ZFP14: variants seen among roughly 807,000 people sequenced by gnomAD.
ZFP14 encodes the protein zinc finger protein 14 homolog.
Under a neutral mutation model 54.5 loss-of-function variants are expected in ZFP14, and 22 were observed. The observed-to-expected ratio is 0.40, with a 90% CI of 0.29 to 0.58. The LOEUF (loss-of-function observed/expected upper bound fraction) is 0.58. Ranked by LOEUF, ZFP14 falls within the 20% of genes least tolerant of loss-of-function variation. The pLI is 0.39. For synonymous variants in ZFP14, 159 were observed against 204.0 expected (o/e 0.78, Z 1.88); for missense variants, 470 against 637.8 (o/e 0.74, Z 2.83).
intron 1 of ZFP14, among the ~76,000 whole-genome samples, chr19:36,369,637 C>T (rs1361170907): frequency 1.3e-5 from 2 of 152,082 alleles, no homozygotes; most frequent in Non-Finnish European, 2.9e-5. Flanking sequence ...TCTCGAACTC[C>T]TGACCTCAAT....
intron 4 of ZFP14, among the ~76,000 whole-genome samples, chr19:36,358,934 A>G (rs1250237341): frequency 6.6e-6 from 1 of 152,138 alleles, no homozygotes. Flanking sequence ...TGACTTTATA[A>G]GAAGAAGAGA....
intron 1 of ZFP14, among the ~76,000 whole-genome samples, chr19:36,368,409 G>A (rs146755853): frequency 5.8e-4 from 89 of 152,204 alleles, no homozygotes; most frequent in African/African-American, 1.9e-3. Context: ...CGGAGGTTGC[G>A]GTGAGCTGAG....
rs1010245269 is a variant in ZFP14, at chr19:36,352,661, G to A, written c.235+7774C>T. On this transcript the variant is annotated intron_variant, in intron 4 of 4. Transcript: ENST00000270001. Reference sequence around the variant, plus strand: ...AAATGCTTAAAAATTAGCCATGTGGGCTGGGCGCGGTGGCTCACACCTGTA... The same window carrying A: ...AAATGCTTAAAAATTAGCCATGTGGACTGGGCGCGGTGGCTCACACCTGTA... 2.1e-5 allele frequency among the ~76,000 whole-genome samples: 3 copies of A among 142,642 alleles called. 1 individual carries two copies. Among genetic ancestry groups the A allele is most frequent in the Non-Finnish European group, 4.7e-5 (3 of 64,332 alleles). The allele number at this position is 142,642 out of a possible 152,430, so 93.6% of individuals were successfully genotyped here. A position where few individuals can be genotyped will look rare whatever the true frequency, so the allele number is the denominator to read the frequency against.
At position 36,367,253 on chromosome 19, in the gene ZFP14, TG is replaced by T. The variant is rs1195881569; in HGVS notation, c.9+630del. Among the ~76,000 whole-genome samples the T allele has an allele frequency of 5.3e-5, 8 of 152,160 alleles. 1 individual carries two copies. The East Asian group carries it at 5.8e-4, about 11-fold the overall frequency. ...TGTACTGAGAAAAATATACTTTTTC[TG>T]GAGTTTAAGTTTTAAAATGAAAAGC... On this transcript the variant is annotated intron_variant, in intron 2 of 4. Transcript: ENST00000270001.
At chr19:36,344,520 CATTA>C (rs2031379182) in intron 4 of ZFP14, among the ~76,000 whole-genome samples, 1 of 152,078 alleles carries the variant, frequency 6.6e-6, no homozygotes, top group African/African-American at 2.4e-5. Context: ...ATTATATAAT[CATTA>C]ATTAATAGGT....
chr19:36,365,005 T>C (rs890440628), intron 2 of ZFP14, among the ~76,000 whole-genome samples: 11 of 116,560 alleles, frequency 9.4e-5, no homozygotes, highest in South Asian at 3.2e-4. Context: ...TTTTTTTTTT[T>C]TTTTTTTTTT....
At chr19:36,363,396 C>T (rs1230487868) in intron 2 of ZFP14, among the ~76,000 whole-genome samples, 1 of 151,520 alleles carries the variant, frequency 6.6e-6, no homozygotes, top group African/African-American at 2.4e-5. Context: ...GGGGTTTCTC[C>T]GCGTTAATTA....
intron 4 of ZFP14, among the ~76,000 whole-genome samples, chr19:36,354,792 C>T (rs563008718): frequency 7.0e-6 from 1 of 142,900 alleles, no homozygotes; most frequent in Admixed American, 7.2e-5. Context: ...CTGCCTTAGC[C>T]TCCTGAGTAG....
rs1456594000 is a variant in ZFP14, at chr19:36,336,185, T to C, written c.*4039A>G. 6.6e-6 allele frequency: 1 copy of C among 151,732 alleles called. No homozygotes were observed. The highest frequency in any genetic ancestry group is 1.5e-5 in the Non-Finnish European group (1 of 67,968). The allele number at this position is 151,732 out of a possible 1,614,324, so 9.4% of individuals were successfully genotyped here. On this transcript the variant is annotated 3_prime_UTR_variant, in exon 5 of 5. Coordinates refer to ENST00000270001, the MANE Select transcript of ZFP14 (RefSeq NM_020917.3). ...TAATCACTATTAACATTGAATCAAGTCTAATATTCTCCATTCTCTTAATTT... is the reference window on the plus strand; with the variant it reads ...TAATCACTATTAACATTGAATCAAGCCTAATATTCTCCATTCTCTTAATTT...
chr19:36,375,765 G>A (rs1345022896), intron 1 of ZFP14, among the ~76,000 whole-genome samples: 1 of 151,966 alleles, frequency 6.6e-6, no homozygotes, highest in Non-Finnish European at 1.5e-5. Context: ...CACCGTGTTA[G>A]CCAGGATGGT....
Position 36,362,113 on chromosome 19 carries a change from T to C in ZFP14, c.135A>G (p.Leu45=). ...ATCATTTGGGATAAATAACCTTACC[T>C]AGTGAAATGAAGTTGCTGTAGTTCT... The part of the protein sequence containing the change: ...MWENYSNFIS[L]GPSISKPDVI... The change falls in exon 3 of 5, where the codon CTA becomes CTG. Residue 45 remains leucine, a splice_region_variant and synonymous_variant. Coordinates refer to ENST00000270001, the MANE Select transcript of ZFP14 (RefSeq NM_020917.3). The C allele has an allele frequency of 2.5e-6, 4 of 1,599,670 alleles. No individual in the cohort carries two copies. Among genetic ancestry groups the C allele is most frequent in the South Asian group, 1.1e-5 (1 of 88,384 alleles).
intron 4 of ZFP14, among the ~76,000 whole-genome samples, chr19:36,351,237 G>T (rs2031519401): frequency 1.4e-5 from 2 of 144,028 alleles, no homozygotes; most frequent in Admixed American, 7.1e-5. Flanking sequence ...AGTGGCTCAG[G>T]CCTGTAATCC....
chr19:36,367,675 G>C (rs1415631714), intron 2 of ZFP14, among the ~76,000 whole-genome samples: 5 of 152,148 alleles, frequency 3.3e-5, no homozygotes, highest in Non-Finnish European at 5.9e-5. Flanking sequence ...TGTTGGCCAG[G>C]CTGGTCTCGA....
chr19:36,371,220 G>A (rs1015593905), intron 1 of ZFP14, among the ~76,000 whole-genome samples: 6 of 152,002 alleles, frequency 3.9e-5, no homozygotes, highest in Non-Finnish European at 8.8e-5. Flanking sequence ...TCAAGGTCGC[G>A]CCACTGCACT....
In ZFP14 at chr19:36,370,673, A is replaced by C. The variant is rs537836435; in HGVS notation, c.-79-2702T>G. 5.3e-5 allele frequency among the ~76,000 whole-genome samples: 8 copies of C among 152,356 alleles called. No homozygotes were observed. The East Asian group carries it at 1.5e-3, about 29-fold the overall frequency. On this transcript the variant is annotated intron_variant, in intron 1 of 4. Transcript: ENST00000270001. Reference sequence around the variant, plus strand: ...GGCATGCTATGTGCAACACCAGAGAATGTGGTTCCAGCCTTTTGGAGCATC... The same window carrying C: ...GGCATGCTATGTGCAACACCAGAGACTGTGGTTCCAGCCTTTTGGAGCATC...
At chr19:36,359,801 C>T (rs1236709829) in intron 4 of ZFP14, among the ~76,000 whole-genome samples, 1 of 151,938 alleles carries the variant, frequency 6.6e-6, no homozygotes, top group Non-Finnish European at 1.5e-5. Context: ...ACTACAGGTG[C>T]CCGCCACTAT....
rs1373115512 is a variant in ZFP14, at chr19:36,355,518, A to ATT, written c.235+4915_235+4916dup. On this transcript the variant is annotated intron_variant, in intron 4 of 4. Coordinates refer to ENST00000270001, the MANE Select transcript of ZFP14 (RefSeq NM_020917.3). ...TACAGGGAGATCTCTGTCTCTATAA[A>ATT]TTTTTTTTTTTTTAAATAGCTAAGT... Among the ~76,000 whole-genome samples, 736 of 133,700 alleles carry ATT rather than the reference A, an allele frequency of 5.5e-3. 78 individuals carry two copies. The highest frequency in any genetic ancestry group is 0.019 in the African/African-American group (709 of 36,660). 87.7% of individuals were successfully genotyped at this position (133,700 alleles called of 152,430 possible). A position where few individuals can be genotyped will look rare whatever the true frequency, so the allele number is the denominator to read the frequency against.
At chr19:36,359,523 G>C (rs1026061811) in intron 4 of ZFP14, among the ~76,000 whole-genome samples, 4 of 152,020 alleles carry the variant, frequency 2.6e-5, no homozygotes, top group African/African-American at 7.2e-5. Context: ...GCAGCATAAG[G>C]GTATTCAATT....
chr19:36,351,634 G>A (rs2031527284), intron 4 of ZFP14, among the ~76,000 whole-genome samples: 1 of 143,210 alleles, frequency 7.0e-6, no homozygotes, highest in Non-Finnish European at 1.6e-5. Context: ...GCTGAGACAG[G>A]AGGATCATCT....
Sources: allele counts gnomAD v4.1 joint callset (sites outside exome capture counted in the v4.1 genomes callset), GRCh38; gene constraint gnomAD v4.1.1; transcripts MANE v1.5; gene names NCBI Gene and HGNC (gene_info 2026-07-23, HGNC 2026-07-21).